Variants in CYGB observed in about 807,000 individuals in gnomAD.
The protein encoded by CYGB is histoglobin.
A neutral mutation model predicts 20.7 loss-of-function variants in CYGB; 13 were observed. The ratio of observed to expected loss-of-function variants is 0.63; its 90% confidence interval spans 0.41 to 1.00. The LOEUF is 1.00. Among genes scored for constraint, CYGB ranks in the 50% least tolerant of loss-of-function variants. The probability of loss-of-function intolerance (pLI) is 0.00; values close to 1 mark genes in which losing one functional copy is unlikely to be tolerated. For missense variants in CYGB, 218 were observed against 257.2 expected, an observed-to-expected ratio of 0.85 and a Z score of 1.04; for synonymous variants, 93 against 107.4, an observed-to-expected ratio of 0.87 and a Z score of 0.83.
At chr17:76,542,654 G>T, upstream of CYGB, 1 of 1,520,594 alleles carries the variant, frequency 6.6e-7, no homozygotes, top group South Asian at 1.1e-5. Flanking sequence ...GCTGGGAGCC[G>T]GGGAGGGCAG....
chr17:76,532,779 C>G (rs1261873606), intron 1 of CYGB, among the ~76,000 whole-genome samples: 1 of 152,096 alleles, frequency 6.6e-6, no homozygotes, highest in East Asian at 1.9e-4. Flanking sequence ...TCAGGCGATC[C>G]GCCTGCCTCA....
At chr17:76,551,185 A>G (rs1401875136), upstream of CYGB, 1 of 152,212 alleles carries the variant, frequency 6.6e-6, no homozygotes, top group East Asian at 1.9e-4. Context: ...AGAGCAGAGA[A>G]GAGAATGCAG....
At chr17:76,544,800 T>C (rs987868085) in intron 1 of CYGB, 1 of 456,696 alleles carries the variant, frequency 2.2e-6, no homozygotes, top group African/African-American at 2.0e-5. Flanking sequence ...CATTTCCGAG[T>C]TGCTCATCTC....
rs2074815407 is a variant in CYGB at position 76,529,975 on chromosome 17, CCTGGCGTCCCCAG to C, written c.539+991_539+1003del. 8.1e-6 allele frequency: 8 copies of C among 985,346 alleles called. No homozygotes were observed. In the South Asian group the frequency reaches 3.3e-4, roughly 41 times the overall value. The allele number at this position is 985,346 out of a possible 1,614,324, so 61.0% of individuals were successfully genotyped here. A position where few individuals can be genotyped will look rare whatever the true frequency, so the allele number is the denominator to read the frequency against. Reference sequence around the variant, plus strand: ...GGTCAGCAGCAGGAAGGGCAGGAGGCCTGGCGTCCCCAGCTGCCCTCAGGGGACCTCCTCCAGG... The same window carrying C: ...GGTCAGCAGCAGGAAGGGCAGGAGGCCTGCCCTCAGGGGACCTCCTCCAGG... On this transcript the variant is annotated intron_variant, in intron 3 of 3. Transcript: ENST00000293230.
intron 3 of CYGB, chr17:76,529,819 A>G: frequency 2.0e-6 from 2 of 985,306 alleles, no homozygotes; most frequent in Non-Finnish European, 2.4e-6. Context: ...GGTCTCAGGC[A>G]GGCCAGGGCC....
In CYGB at chr17:76,543,204, C is replaced by T. The variant is rs148249567; in HGVS notation, c.-53+7658G>A. ...GTGTGGGCTCCTGAGCAGGACCTGG[C>T]TGGGCCTGGCAGAAAGAGCAGACGT... is the stretch of plus-strand genomic sequence containing the variant. On this transcript the variant is annotated intron_variant, in intron 1 of 3. Transcript: ENST00000589145. 4.0e-3 allele frequency: 1,651 copies of T among 414,846 alleles called. 12 individuals are homozygous for T. The highest frequency in any genetic ancestry group is 7.1e-3 in the Middle Eastern group (14 of 1,980). 25.7% of individuals were successfully genotyped at this position (414,846 alleles called of 1,614,324 possible).
chr17:76,534,186 TTC>T (rs2074889040), intron 1 of CYGB, among the ~76,000 whole-genome samples: 2 of 124,078 alleles, frequency 1.6e-5, no homozygotes, highest in African/African-American at 5.1e-5. Flanking sequence ...CTTTCTTTCT[TTC>T]TTTCTTGAGA....
chr17:76,540,534 G>T (rs764158636), upstream of CYGB: 1 of 1,613,564 alleles, frequency 6.2e-7, no homozygotes, highest in African/African-American at 1.3e-5. This position sits in a 1 kb window ranked among gnomAD's most constrained non-coding sequence, Gnocchi z 5.0. Flanking sequence ...GGGGCAGCTA[G>T]GGGCAGCAGC....
At chr17:76,543,243 G>A (rs918235193) in intron 1 of CYGB, 9 of 368,414 alleles carry the variant, frequency 2.4e-5, no homozygotes, top group Non-Finnish European at 2.7e-5. Flanking sequence ...CGCTGCTCTC[G>A]GACGGGCTTC....
rs1017413398 is a variant in CYGB, at chr17:76,527,987, G to C, written c.*591C>G. ...GCCCCTCCAGGCCCAGGTCCTCTGC[G>C]CTGCTGTGGGATTTCCTCTTTGCCA... On this transcript the variant is annotated 3_prime_UTR_variant, in exon 4 of 4. Transcript: ENST00000293230. 2.8e-6 allele frequency: 1 copy of C among 361,388 alleles called. No individual in the cohort carries two copies. Among genetic ancestry groups the C allele is most frequent in the African/African-American group, 2.1e-5 (1 of 46,926 alleles). The allele number at this position is 361,388 out of a possible 1,614,324, so 22.4% of individuals were successfully genotyped here. A position where few individuals can be genotyped will look rare whatever the true frequency, so the allele number is the denominator to read the frequency against.
In CYGB at chr17:76,528,465, G is replaced by T; in HGVS notation, c.*113C>A. On this transcript the variant is annotated 3_prime_UTR_variant, in exon 4 of 4. Transcript: ENST00000293230. The surrounding 1 kb of genome is among the most constrained non-coding windows in gnomAD (Gnocchi z 5.8). ...CAGAGGCCTCCTTCGGGGAAGTTGA[G>T]TCAGGGATTCCTCCAGCTTCCTTGG... is the stretch of plus-strand genomic sequence containing the variant. 9.7e-7 allele frequency: 1 copy of T among 1,026,242 alleles called. No individual in the cohort carries two copies. 63.6% of individuals were successfully genotyped at this position (1,026,242 alleles called of 1,614,324 possible). A position where few individuals can be genotyped will look rare whatever the true frequency, so the allele number is the denominator to read the frequency against.
chr17:76,542,942 G>C, intron 1 of CYGB: 1 of 541,748 alleles, frequency 1.8e-6, no homozygotes, highest in Non-Finnish European at 3.7e-6. Flanking sequence ...CAAGGGAGAG[G>C]CGGTGCTCGG....
intron 1 of CYGB, chr17:76,550,517 C>T (rs2075099902): frequency 6.6e-6 from 1 of 152,250 alleles, no homozygotes; most frequent in Non-Finnish European, 1.5e-5. Flanking sequence ...CGGCCTCAGC[C>T]TCCCAAAGTG....
At chr17:76,529,633 G>C (rs761008342) in intron 3 of CYGB, 84 of 985,330 alleles carry the variant, frequency 8.5e-5, no homozygotes, top group Non-Finnish European at 9.8e-5. Flanking sequence ...AGCAGAGCCT[G>C]CGTGGGGAGA....
chr17:76,547,015 A>G (rs1229470744), intron 1 of CYGB: 1 of 152,240 alleles, frequency 6.6e-6, no homozygotes, highest in African/African-American at 2.4e-5. Context: ...ACCTGTCTAC[A>G]AGGCACAAGG....
At chr17:76,543,280 C>T (rs2075014106) in intron 1 of CYGB, 1 of 356,616 alleles carries the variant, frequency 2.8e-6, no homozygotes, top group South Asian at 2.1e-5. Flanking sequence ...TGAGGCTCCT[C>T]TGAGGGACTG....
At chr17:76,529,983 C>G (rs2074815594) in intron 3 of CYGB, 4 of 985,218 alleles carry the variant, frequency 4.1e-6, no homozygotes, top group South Asian at 9.4e-5. Context: ...GGCCTGGCGT[C>G]CCCAGCTGCC....
rs1162789890 is a variant in CYGB, at chr17:76,537,499, C to A, written c.44G>T (p.Arg15Leu). The change falls in exon 1 of 4, where the codon CGG (arginine) becomes CTG (leucine). Residue 15 changes from arginine to leucine, a missense_variant. Around this residue, in one of 2 missense-constraint regions of CYGB, gnomAD observed 152 missense variants for 149.9 expected, o/e 1.01. Coordinates refer to ENST00000293230, the MANE Select transcript of CYGB (RefSeq NM_134268.5). Reference protein sequence around the residue: ...PGEMEIERRERSEELSEAERK... With the variant: ...PGEMEIERRELSEELSEAERK... ...CTCCGCCTCGGACAGCTCCTCGCTC[C>A]GCTCCCTGCGCTCGATCTCCATCTC... The A allele has an allele frequency of 6.3e-7, 1 of 1,579,554 alleles. No individual in the cohort carries two copies. Among genetic ancestry groups the A allele is most frequent in the Admixed American group, 1.8e-5 (1 of 56,998 alleles).
upstream of CYGB, chr17:76,538,543 C>A (rs1219009300): frequency 2.2e-6 from 1 of 464,046 alleles, no homozygotes. Flanking sequence ...TCTAGCCCAG[C>A]TGGTGGCGGA....
Sources: allele counts gnomAD v4.1 joint callset (sites outside exome capture counted in the v4.1 genomes callset), GRCh38; gene constraint gnomAD v4.1.1; regional missense constraint gnomAD v4.1.1; non-coding constraint Gnocchi (gnomAD v3.1); transcripts MANE v1.5; gene names NCBI Gene and HGNC (gene_info 2026-07-23, HGNC 2026-07-21).